The following EPB41L4A variants were observed in gnomAD, a reference collection of about 807,000 sequenced individuals.
EPB41L4A encodes the protein erythrocyte membrane protein band 4.1 like 4A.
Under a neutral mutation model 108.6 loss-of-function variants are expected in EPB41L4A, and 100 were observed. That is an observed-to-expected ratio of 0.92 (90% CI 0.78 to 1.09). EPB41L4A has a LOEUF of 1.09. Ranked by LOEUF, EPB41L4A falls within the 50% of genes least tolerant of loss-of-function variation. The probability of loss-of-function intolerance (pLI) is 0.00; values close to 1 mark genes in which losing one functional copy is unlikely to be tolerated. For missense variants in EPB41L4A, 1,030 were observed against 842.7 expected, an observed-to-expected ratio of 1.22 and a Z score of -2.75; for synonymous variants, 319 against 289.0, an observed-to-expected ratio of 1.10 and a Z score of -1.05.
At chr5:112,232,912 G>A (rs569355170) in intron 12 of EPB41L4A, among the ~76,000 whole-genome samples, 4 of 152,090 alleles carry the variant, frequency 2.6e-5, no homozygotes, top group African/African-American at 9.7e-5. Context: ...GTTAGACAAG[G>A]GTGATCTATA....
At chr5:112,335,631 C>T (rs1321903802) in intron 1 of EPB41L4A, among the ~76,000 whole-genome samples, 1 of 152,188 alleles carries the variant, frequency 6.6e-6, no homozygotes. Context: ...CAGTCATTGC[C>T]TGATAGGAGG....
chr5:112,156,254 TA>T (rs1759643040), intron 12 of EPB41L4A, among the ~76,000 whole-genome samples: 1 of 152,010 alleles, frequency 6.6e-6, no homozygotes, highest in Admixed American at 6.6e-5. Flanking sequence ...AAGAAAGGCA[TA>T]AAAATGACAC....
intron 19 of EPB41L4A, 90 bp downstream of exon 19, chr5:112,170,855 G>C: frequency 1.7e-6 from 2 of 1,143,960 alleles, no homozygotes; most frequent in South Asian, 2.6e-5. Flanking sequence ...GCATCACGCT[G>C]AAGTTGCCTC....
chr5:112,201,758 T>C (rs938484238), intron 15 of EPB41L4A, among the ~76,000 whole-genome samples: 2 of 152,202 alleles, frequency 1.3e-5, no homozygotes, highest in African/African-American at 4.8e-5. Context: ...GAACCAACTC[T>C]TGGTGTTCCC....
chr5:112,268,135 A>C (rs1247754224), intron 4 of EPB41L4A, among the ~76,000 whole-genome samples: 1 of 152,254 alleles, frequency 6.6e-6, no homozygotes, highest in African/African-American at 2.4e-5. Context: ...TAATCCCAGC[A>C]CTGTGGGAGG....
At chr5:112,271,161 A>T (rs771641517) in intron 4 of EPB41L4A, among the ~76,000 whole-genome samples, 4 of 152,210 alleles carry the variant, frequency 2.6e-5, no homozygotes, top group African/African-American at 4.8e-5. Flanking sequence ...GTCTTGACAT[A>T]CAAATTCAAG....
intron 9 of EPB41L4A, among the ~76,000 whole-genome samples, chr5:112,252,431 C>T (rs912312539): frequency 6.6e-6 from 1 of 151,986 alleles, no homozygotes; most frequent in African/African-American, 2.4e-5. Context: ...AGGGTAGGGA[C>T]AGGGTTGATA....
chr5:112,378,537 G>A (rs140261576), intron 1 of EPB41L4A, among the ~76,000 whole-genome samples: 1,768 of 152,182 alleles, frequency 0.012, 26 homozygotes, highest in South Asian at 0.038. Context: ...TTGTTTCCTC[G>A]ATAAATTAAC....
intron 12 of EPB41L4A, among the ~76,000 whole-genome samples, chr5:112,156,770 A>G (rs1185269232): frequency 6.6e-6 from 1 of 152,200 alleles, no homozygotes; most frequent in Non-Finnish European, 1.5e-5. Flanking sequence ...AAAAATCCCA[A>G]CAATCTTTAG....
intron 1 of EPB41L4A, among the ~76,000 whole-genome samples, chr5:112,323,933 G>C (rs1161939659): frequency 6.6e-6 from 1 of 152,184 alleles, no homozygotes; most frequent in African/African-American, 2.4e-5. Flanking sequence ...ATTGACTCCT[G>C]AGAGAAAACT....
intron 1 of EPB41L4A, among the ~76,000 whole-genome samples, chr5:112,330,208 T>C (rs549761475): frequency 1.3e-4 from 19 of 151,996 alleles, no homozygotes; most frequent in African/African-American, 4.3e-4. Context: ...CTTTTTCCTG[T>C]AGAGAGTGAC....
chr5:112,213,433 C>T (rs1747369149), intron 12 of EPB41L4A, among the ~76,000 whole-genome samples: 2 of 151,462 alleles, frequency 1.3e-5, no homozygotes, highest in Non-Finnish European at 2.9e-5. Flanking sequence ...ACTGCAACCT[C>T]TGCCTCCTGG....
At chr5:112,155,378 A>G (rs1329795260) in intron 12 of EPB41L4A, among the ~76,000 whole-genome samples, 1 of 152,170 alleles carries the variant, frequency 6.6e-6, no homozygotes, top group African/African-American at 2.4e-5. Context: ...ACCAAAAAAA[A>G]AAAAGTGTAT....
rs549977049 is a variant in EPB41L4A at position 112,226,887 on chromosome 5, T to C, written c.1087+7747A>G. Among the ~76,000 whole-genome samples the C allele has an allele frequency of 1.0e-3, 153 of 151,778 alleles. 5 individuals carry two copies. The South Asian group carries it at 0.017, about 17-fold the overall frequency. ...TCATAAGATGAAAACACTCTAGAGA[T>C]TGGTTGTACAACAATGTGAATATAT... On this transcript the variant is annotated intron_variant, in intron 12 of 22. Transcript: ENST00000261486.
chr5:112,152,314 A>T (rs1229672381), intron 12 of EPB41L4A, among the ~76,000 whole-genome samples: 2 of 152,222 alleles, frequency 1.3e-5, no homozygotes, highest in African/African-American at 2.4e-5. Flanking sequence ...TCTAAGTAAA[A>T]GATTATAAAA....
intron 1 of EPB41L4A, among the ~76,000 whole-genome samples, chr5:112,376,840 A>G (rs552590585): frequency 6.6e-6 from 1 of 151,728 alleles, no homozygotes; most frequent in South Asian, 2.1e-4. Flanking sequence ...AATTATAGAA[A>G]CAGAGAATAG....
intron 6 of EPB41L4A, chr5:112,263,571 T>G (rs3923454): frequency 0.97 from 148,069 of 152,250 alleles, 72,126 homozygotes; most frequent in East Asian, 1. Context: ...AGTACTCTCA[T>G]AATGTGCCAA....
intron 9 of EPB41L4A, chr5:112,256,888 A>ATCGT (rs1751137029): frequency 2.0e-5 from 3 of 152,176 alleles, no homozygotes; most frequent in African/African-American, 7.2e-5. Context: ...TTCTACAGTG[A>ATCGT]ACATGTACGA....
At chr5:112,225,671 C>G (rs1027032134) in intron 12 of EPB41L4A, among the ~76,000 whole-genome samples, 3 of 152,186 alleles carry the variant, frequency 2.0e-5, no homozygotes, top group Admixed American at 2.0e-4. Flanking sequence ...TATCTGCATG[C>G]ATACTTTCCC....
Sources: allele counts gnomAD v4.1 joint callset (sites outside exome capture counted in the v4.1 genomes callset), GRCh38; gene constraint gnomAD v4.1.1; transcripts MANE v1.5; gene names NCBI Gene and HGNC (gene_info 2026-07-23, HGNC 2026-07-21).